The following GRIK2 variants were observed in gnomAD, a reference collection of about 807,000 sequenced individuals.
The protein encoded by GRIK2 is glutamate receptor ionotropic, kainate 2.
Under a neutral mutation model 100.3 loss-of-function variants are expected in GRIK2, and 32 were observed. The observed-to-expected ratio is 0.32, with a 90% CI of 0.24 to 0.43. The LOEUF (loss-of-function observed/expected upper bound fraction) is 0.43, where lower values mean the gene tolerates loss of function less well. Ranked by LOEUF, GRIK2 falls within the 20% of genes least tolerant of loss-of-function variation. The pLI, the probability that GRIK2 is intolerant of heterozygous loss-of-function variation, is 1.00. For missense variants in GRIK2, 843 were observed against 1,114.9 expected, an observed-to-expected ratio of 0.76 and a Z score of 3.47; for synonymous variants, 417 against 389.4, an observed-to-expected ratio of 1.07 and a Z score of -0.83.
chr6:101,714,344 A>G (rs1166141693), intron 7 of GRIK2, among the ~76,000 whole-genome samples: 1 of 151,758 alleles, frequency 6.6e-6, no homozygotes, highest in Non-Finnish European at 1.5e-5. Context: ...TTGATGGGCC[A>G]TGAGCAACCA....
At chr6:101,454,199 C>A (rs1770869468) in intron 2 of GRIK2, among the ~76,000 whole-genome samples, 1 of 152,044 alleles carries the variant, frequency 6.6e-6, no homozygotes, top group African/African-American at 2.4e-5. Flanking sequence ...TTTGGAGCAT[C>A]TGATTTTGTA....
intron 2 of GRIK2, among the ~76,000 whole-genome samples, chr6:101,557,857 A>G (rs1282532242): frequency 1.3e-5 from 2 of 152,134 alleles, no homozygotes; most frequent in East Asian, 1.9e-4. Context: ...CTATTATTTC[A>G]CTGCTTATGT....
At chr6:102,041,467 A>G (rs567299553) in intron 15 of GRIK2, among the ~76,000 whole-genome samples, 1 of 151,670 alleles carries the variant, frequency 6.6e-6, no homozygotes, top group Admixed American at 6.6e-5. Flanking sequence ...AAAGCTAGTC[A>G]AATGTTTGTT....
chr6:101,970,741 A>G (rs1044855491), intron 14 of GRIK2, among the ~76,000 whole-genome samples: 9 of 144,378 alleles, frequency 6.2e-5, no homozygotes, highest in Non-Finnish European at 1.0e-4. Context: ...ACATCCTGCA[A>G]TTGTATTTAG....
intron 14 of GRIK2, among the ~76,000 whole-genome samples, chr6:101,963,771 A>G (rs1048747072): frequency 3.3e-5 from 5 of 152,078 alleles, no homozygotes; most frequent in Admixed American, 6.6e-5. Flanking sequence ...ATACATCATT[A>G]TATATGCTGC....
At chr6:101,475,081 C>T (rs1422532621) in intron 2 of GRIK2, among the ~76,000 whole-genome samples, 2 of 151,720 alleles carry the variant, frequency 1.3e-5, no homozygotes, top group African/African-American at 2.4e-5. Context: ...AGGAGACTTC[C>T]CTTGAGGCCT....
chr6:101,711,788 C>T (rs1271614055), intron 7 of GRIK2, among the ~76,000 whole-genome samples: 1 of 151,284 alleles, frequency 6.6e-6, no homozygotes, highest in Non-Finnish European at 1.5e-5. Context: ...CATGTAGTGG[C>T]ATTTTCATGT....
At chr6:101,715,479 CA>C (rs1001674194) in intron 7 of GRIK2, among the ~76,000 whole-genome samples, 1 of 151,390 alleles carries the variant, frequency 6.6e-6, no homozygotes, top group African/African-American at 2.4e-5. Context: ...CTGGCTTATC[CA>C]AAGTCATGGG....
rs557452705 is a variant in GRIK2, at chr6:102,005,621, T to C, written c.2086-29720T>C. ...TTTGGTATATTAAACACTTATCTTG[T>C]TCATTAATTTTTTCATTGAATCATT... is the stretch of plus-strand genomic sequence containing the variant. On this transcript the variant is annotated intron_variant, in intron 14 of 16. Transcript: ENST00000369134. Among the ~76,000 whole-genome samples the C allele has an allele frequency of 3.3e-5, 5 of 152,242 alleles. No homozygotes were observed. The East Asian group carries it at 7.7e-4, about 24-fold the overall frequency.
chr6:101,615,619 T>C (rs1370190786), intron 2 of GRIK2, among the ~76,000 whole-genome samples: 3 of 151,828 alleles, frequency 2.0e-5, no homozygotes, highest in Non-Finnish European at 2.9e-5. Flanking sequence ...ATGGATCACA[T>C]GCTTATGAAA....
chr6:101,748,535 G>A (rs999960562), intron 7 of GRIK2, among the ~76,000 whole-genome samples: 1 of 151,740 alleles, frequency 6.6e-6, no homozygotes, highest in Admixed American at 6.6e-5. Context: ...GTTCAATTTA[G>A]GTAGTATTTA....
At chr6:101,734,511 AG>A (rs1775500078) in intron 7 of GRIK2, among the ~76,000 whole-genome samples, 1 of 152,166 alleles carries the variant, frequency 6.6e-6, no homozygotes, top group Non-Finnish European at 1.5e-5. Context: ...CACTAATTCA[AG>A]TGTTAATCTC....
intron 7 of GRIK2, among the ~76,000 whole-genome samples, chr6:101,795,640 A>G (rs2128411223): frequency 6.6e-6 from 1 of 152,338 alleles, no homozygotes; most frequent in South Asian, 2.1e-4. Flanking sequence ...TTGGACTCTC[A>G]GGCATCACAT....
At position 101,523,195 on chromosome 6, in the gene GRIK2, G is replaced by A. The variant is rs766892686; in HGVS notation, c.116-98754G>A. On this transcript the variant is annotated intron_variant, in intron 2 of 16. Coordinates refer to ENST00000369134, the MANE Select transcript of GRIK2 (RefSeq NM_021956.5). ...CTCAGTATAAGTAAGAGAAAACTTCGACTTTTGGCAGCCAGAAATAATTTT... is the reference window on the plus strand; with the variant it reads ...CTCAGTATAAGTAAGAGAAAACTTCAACTTTTGGCAGCCAGAAATAATTTT... Among the ~76,000 whole-genome samples, 101 of 151,986 alleles carry A rather than the reference G, an allele frequency of 6.6e-4. 1 individual carries two copies. The highest frequency in any genetic ancestry group is 2.1e-4 in the Non-Finnish European group (14 of 67,992).
chr6:101,769,554 A>C (rs558290225), intron 7 of GRIK2, among the ~76,000 whole-genome samples: 1 of 152,318 alleles, frequency 6.6e-6, no homozygotes, highest in South Asian at 2.1e-4. Context: ...TATGCTTTAT[A>C]GGAGTCTCTT....
At chr6:101,981,675 T>A (rs764956150) in intron 14 of GRIK2, among the ~76,000 whole-genome samples, 2 of 151,684 alleles carry the variant, frequency 1.3e-5, no homozygotes, top group Non-Finnish European at 2.9e-5. Context: ...AGGAGGGAGA[T>A]GGGGACAGAA....
intron 2 of GRIK2, among the ~76,000 whole-genome samples, chr6:101,554,715 A>C (rs2245825): frequency 0.8 from 120,922 of 152,058 alleles, 48,388 homozygotes; most frequent in African/African-American, 0.86. Context: ...GTTGTGGATT[A>C]TTTATTCTTC....
chr6:101,792,855 T>C (rs1463563211), intron 7 of GRIK2, among the ~76,000 whole-genome samples: 1 of 152,144 alleles, frequency 6.6e-6, no homozygotes, highest in Non-Finnish European at 1.5e-5. Flanking sequence ...CAATCAGATG[T>C]AGATTTGGTC....
intron 2 of GRIK2, among the ~76,000 whole-genome samples, chr6:101,567,237 T>G (rs1240130434): frequency 6.6e-6 from 1 of 151,920 alleles, no homozygotes; most frequent in African/African-American, 2.4e-5. Flanking sequence ...ATAGTTTGAT[T>G]CTTGTTCATT....
Sources: allele counts gnomAD v4.1 joint callset (sites outside exome capture counted in the v4.1 genomes callset), GRCh38; gene constraint gnomAD v4.1.1; transcripts MANE v1.5; gene names NCBI Gene and HGNC (gene_info 2026-07-23, HGNC 2026-07-21).